The following CNTN1 variants were observed in gnomAD, a reference collection of about 807,000 sequenced individuals.
CNTN1 encodes the protein contactin-1.
CNTN1 carries 38 observed loss-of-function variants against 126.4 expected under a neutral mutation model. The ratio of observed to expected loss-of-function variants is 0.30; its 90% CI spans 0.23 to 0.39. The LOEUF (loss-of-function observed/expected upper bound fraction) is 0.39, where lower values mean the gene tolerates loss of function less well. Ranked by LOEUF, CNTN1 falls within the 10% of genes least tolerant of loss-of-function variation. The pLI, the probability that CNTN1 is intolerant of heterozygous loss-of-function variation, is 1.00. For missense variants in CNTN1, 1,009 were observed against 1,248.4 expected, an observed-to-expected ratio of 0.81 and a Z score of 2.89; for synonymous variants, 413 against 422.6, an observed-to-expected ratio of 0.98 and a Z score of 0.28.
chr12:40,951,639 G>A (rs1440741078), intron 14 of CNTN1, among the ~76,000 whole-genome samples: 2 of 148,566 alleles, frequency 1.3e-5, no homozygotes, highest in African/African-American at 5.0e-5. Flanking sequence ...AACCCAGGAG[G>A]TGGAGGTTGC....
At chr12:40,842,459 T>C (rs1203117026) in intron 1 of CNTN1, among the ~76,000 whole-genome samples, 1 of 152,106 alleles carries the variant, frequency 6.6e-6, no homozygotes, top group Non-Finnish European at 1.5e-5. Flanking sequence ...CCAATTATCC[T>C]GATTTGATCA....
intron 15 of CNTN1, among the ~76,000 whole-genome samples, chr12:40,970,185 C>T (rs919379305): frequency 6.6e-6 from 1 of 152,062 alleles, no homozygotes; most frequent in African/African-American, 2.4e-5. Flanking sequence ...AAGGAAATGG[C>T]ACCCCTCTCT....
intron 1 of CNTN1, among the ~76,000 whole-genome samples, chr12:40,803,050 C>T (rs1162679514): frequency 1.2e-4 from 18 of 151,962 alleles, no homozygotes; most frequent in Admixed American, 1.2e-3. Flanking sequence ...CCATTGAAAG[C>T]TCTGCTGTTA....
rs7296940 is a variant in CNTN1, at chr12:40,808,523, T to G, written c.-76-99834T>G. Among the ~76,000 whole-genome samples the G allele has an allele frequency of 9.4e-3, 1,432 of 152,084 alleles. 22 individuals are homozygous for G. Among genetic ancestry groups the G allele is most frequent in the African/African-American group, 0.033 (1,361 of 41,332 alleles). The stretch of plus-strand genomic sequence containing the variant: ...ATAATCTCTATAGCATTAATAATAT[T>G]AAAATGTATAGGAATGATTTAGAGT... On this transcript the variant is annotated intron_variant, in intron 1 of 23. Coordinates refer to ENST00000551295, the MANE Select transcript of CNTN1 (RefSeq NM_001843.4).
At chr12:41,022,957 C>A (rs1948954409) in intron 20 of CNTN1, among the ~76,000 whole-genome samples, 1 of 151,992 alleles carries the variant, frequency 6.6e-6, no homozygotes, top group South Asian at 2.1e-4. Flanking sequence ...CAAGCACGAA[C>A]ACTTAAAAGA....
At chr12:40,866,284 A>T (rs1185971051) in intron 1 of CNTN1, among the ~76,000 whole-genome samples, 1 of 152,038 alleles carries the variant, frequency 6.6e-6, no homozygotes, top group Non-Finnish European at 1.5e-5. Context: ...CTTTTTTCCC[A>T]ACCTGGGTTT....
In CNTN1 at chr12:40,969,306, C is replaced by T. The variant is rs557373388; in HGVS notation, c.1804+10072C>T. The stretch of plus-strand genomic sequence containing the variant: ...GAAACTCAGAAAAAGCTTTTACCCT[C>T]TAAACTCATCATCGGTTTATGAAGC... On this transcript the variant is annotated intron_variant, in intron 15 of 23. Transcript: ENST00000551295. Among the ~76,000 whole-genome samples the T allele has an allele frequency of 2.6e-5, 4 of 152,222 alleles. 1 individual carries two copies. The highest frequency in any genetic ancestry group is 7.2e-5 in the African/African-American group (3 of 41,558).
intron 18 of CNTN1, among the ~76,000 whole-genome samples, chr12:41,014,532 A>T (rs1025469417): frequency 2.0e-5 from 3 of 152,232 alleles, no homozygotes; most frequent in South Asian, 2.1e-4. Context: ...GTTAGCCTAG[A>T]TGATTAAACA....
chr12:40,857,592 A>ACC lies in CNTN1; in HGVS notation c.-76-50765_-76-50764insCC, dbSNP rs1197931919. ...AACTATGGTGCTGCTCCAGTAGAGA[A>ACC]ATGAAGTTGCTTCCCGTGGAAAAAG... is the stretch of plus-strand genomic sequence containing the variant. On this transcript the variant is annotated intron_variant, in intron 1 of 23. Coordinates refer to ENST00000551295, the MANE Select transcript of CNTN1 (RefSeq NM_001843.4). 2.0e-5 allele frequency among the ~76,000 whole-genome samples: 3 copies of ACC among 152,180 alleles called. No homozygotes were observed. In the East Asian group the frequency reaches 5.8e-4, roughly 29 times the overall value.
At chr12:40,782,462 T>C (rs1436965840) in intron 1 of CNTN1, among the ~76,000 whole-genome samples, 1 of 151,944 alleles carries the variant, frequency 6.6e-6, no homozygotes, top group Admixed American at 6.6e-5. Context: ...ATTGAAAATT[T>C]TTGCTAAAAG....
chr12:40,847,496 T>G (rs1298345156), intron 1 of CNTN1, among the ~76,000 whole-genome samples: 1 of 152,226 alleles, frequency 6.6e-6, no homozygotes, highest in African/African-American at 2.4e-5. Context: ...TTTTTTTGTT[T>G]TAACGTTTAT....
At chr12:40,843,235 G>T (rs1004460622) in intron 1 of CNTN1, among the ~76,000 whole-genome samples, 2 of 151,996 alleles carry the variant, frequency 1.3e-5, no homozygotes, top group Non-Finnish European at 2.9e-5. Flanking sequence ...ATATTATGTT[G>T]TAAATGGCCA....
intron 5 of CNTN1, 69 bp downstream of exon 5, chr12:40,922,497 G>A: frequency 6.9e-7 from 1 of 1,445,358 alleles, no homozygotes; most frequent in South Asian, 1.2e-5. Flanking sequence ...GAACAATCAG[G>A]AAAGGATAGT....
chr12:40,887,083 A>C lies in CNTN1; in HGVS notation c.-76-21274A>C, dbSNP rs1247427632. Among the ~76,000 whole-genome samples the C allele has an allele frequency of 2.6e-5, 4 of 151,908 alleles. No homozygotes were observed. In the East Asian group the frequency reaches 7.7e-4, roughly 29 times the overall value. ...TTTGGTTCCATATGAACTTTAAAGT[A>C]GTTTTTTCCAATTCTGTGAAGAAAG... On this transcript the variant is annotated intron_variant, in intron 1 of 23. Transcript: ENST00000551295.
intron 1 of CNTN1, among the ~76,000 whole-genome samples, chr12:40,837,618 G>A (rs1431696076): frequency 2.0e-5 from 3 of 152,158 alleles, no homozygotes; most frequent in Non-Finnish European, 4.4e-5. Context: ...GCTTTTGACA[G>A]GCTTTCTGTT....
rs776884887 is a variant in CNTN1, at chr12:41,069,987, C to T, written c.3009C>T (p.Leu1003=). 19 of 1,614,022 alleles carry T rather than the reference C, an allele frequency of 1.2e-5. No homozygotes were observed. In the East Asian group the frequency reaches 2.5e-4, roughly 21 times the overall value. Residue 1003 remains leucine, a synonymous_variant, in exon 24 of 24, where the codon CTC becomes CTT. Coordinates refer to ENST00000551295, the MANE Select transcript of CNTN1 (RefSeq NM_001843.4). ...SGAPTLSPSL[L]GLLLPAFGIL... ...CACCCACCCTATCCCCAAGTCTTCT[C>T]GGCTTACTGCTGCCTGCCTTTGGCA... is the stretch of plus-strand genomic sequence containing the variant.
At chr12:40,958,663 T>C (rs1946986760) in intron 14 of CNTN1, among the ~76,000 whole-genome samples, 1 of 152,066 alleles carries the variant, frequency 6.6e-6, no homozygotes, top group Admixed American at 6.6e-5. Flanking sequence ...TTTAGTATCT[T>C]TGTAAAATGA....
intron 1 of CNTN1, among the ~76,000 whole-genome samples, chr12:40,696,861 A>G (rs1055840303): frequency 9.2e-5 from 14 of 152,218 alleles, no homozygotes; most frequent in Non-Finnish European, 2.1e-4. Flanking sequence ...ATCCTATTTC[A>G]ATCTTCTAGT....
chr12:41,019,820 G>T (rs989838410), intron 19 of CNTN1, among the ~76,000 whole-genome samples: 2 of 151,866 alleles, frequency 1.3e-5, no homozygotes, highest in Non-Finnish European at 2.9e-5. Context: ...TAATAATATT[G>T]CTGTTTGTAG....
Sources: gnomAD v4.1 joint callset for allele counts (sites outside exome capture counted in the v4.1 genomes callset) on GRCh38, gnomAD v4.1.1 for gene constraint, MANE v1.5 for transcripts, NCBI Gene and HGNC (gene_info 2026-07-23, HGNC 2026-07-21) for gene names.